The following SNAP91 variants were observed in gnomAD, a reference collection of about 807,000 sequenced individuals.
SNAP91 encodes the protein synaptosome associated protein 91.
Under a neutral mutation model 100.3 loss-of-function variants are expected in SNAP91, and 27 were observed. The observed-to-expected ratio is 0.27, with a 90% confidence interval of 0.20 to 0.37. SNAP91 has a LOEUF of 0.37. SNAP91 is among the 10% of genes least tolerant of loss of function. SNAP91 has a pLI of 1.00. For missense variants in SNAP91, 986 were observed against 1,123.7 expected, an observed-to-expected ratio of 0.88 and a Z score of 1.75; for synonymous variants, 404 against 398.6, an observed-to-expected ratio of 1.01 and a Z score of -0.16.
In SNAP91 at chr6:83,560,742, T is replaced by C. The variant is rs1188814660; in HGVS notation, c.2526+122A>G. On this transcript the variant is annotated intron_variant, in intron 27 of 29. Transcript: ENST00000369694. ...CTAAGGTTTAAAGCAGATGACAACT[T>C]TTTAAGTTTTACTTACTGTGTTTTG... 4 of 820,518 alleles carry C rather than the reference T, an allele frequency of 4.9e-6. No individual in the cohort carries two copies. The African/African-American group carries it at 5.1e-5, about 11-fold the overall frequency. 50.8% of individuals were successfully genotyped at this position (820,518 alleles called of 1,614,324 possible).
chr6:83,586,396 A>G (rs549426581), intron 22 of SNAP91, among the ~76,000 whole-genome samples: 3 of 152,322 alleles, frequency 2.0e-5, no homozygotes, highest in South Asian at 4.1e-4. Context: ...TGTCTTTGCA[A>G]TTAAAGATAG....
intron 22 of SNAP91, among the ~76,000 whole-genome samples, chr6:83,588,936 C>A (rs2093309468): frequency 6.6e-6 from 1 of 152,102 alleles, no homozygotes; most frequent in Non-Finnish European, 1.5e-5. Context: ...TTCAAATTCC[C>A]ATTTGAGATC....
intron 2 of SNAP91, among the ~76,000 whole-genome samples, chr6:83,696,528 A>G (rs1181154207): frequency 6.6e-6 from 1 of 152,162 alleles, no homozygotes; most frequent in Admixed American, 6.5e-5. Flanking sequence ...ATTTCTTAAC[A>G]TTCTCTGTCT....
intron 24 of SNAP91, among the ~76,000 whole-genome samples, chr6:83,578,409 T>G (rs971056729): frequency 2.6e-5 from 4 of 152,160 alleles, no homozygotes; most frequent in African/African-American, 9.7e-5. Context: ...CTCCATCCTA[T>G]TGGGTATAAA....
intron 2 of SNAP91, among the ~76,000 whole-genome samples, chr6:83,675,221 T>C (rs1386838878): frequency 2.0e-5 from 3 of 152,234 alleles, no homozygotes; most frequent in African/African-American, 2.4e-5. Flanking sequence ...CCTAATACAA[T>C]AAATTTTATT....
chr6:83,584,793 A>T (rs1011391086), intron 22 of SNAP91, among the ~76,000 whole-genome samples: 1 of 152,128 alleles, frequency 6.6e-6, no homozygotes, highest in Non-Finnish European at 1.5e-5. Context: ...GGTCATATGA[A>T]AGCAAATGGC....
intron 7 of SNAP91, among the ~76,000 whole-genome samples, chr6:83,654,272 G>A (rs78346066): frequency 0.014 from 2,097 of 152,204 alleles, 23 homozygotes; most frequent in Non-Finnish European, 0.02. Context: ...CCTTGTATTT[G>A]TCTGTCTCTC....
At chr6:83,701,212 T>C (rs569749715) in intron 2 of SNAP91, among the ~76,000 whole-genome samples, 9 of 152,050 alleles carry the variant, frequency 5.9e-5, no homozygotes, top group Non-Finnish European at 1.3e-4. Flanking sequence ...ATGTGTGTGG[T>C]TTGTTTGTTT....
intron 24 of SNAP91, among the ~76,000 whole-genome samples, chr6:83,577,678 C>T (rs900119434): frequency 1.3e-5 from 2 of 152,286 alleles, no homozygotes; most frequent in Non-Finnish European, 2.9e-5. Context: ...GACTGCAATG[C>T]AGTCTCAATA....
At chr6:83,638,527 G>C (rs2128526227) in intron 8 of SNAP91, among the ~76,000 whole-genome samples, 1 of 152,232 alleles carries the variant, frequency 6.6e-6, no homozygotes, top group African/African-American at 2.4e-5. Flanking sequence ...CACTTTAGAT[G>C]ATCCATTTAA....
intron 2 of SNAP91, among the ~76,000 whole-genome samples, chr6:83,701,553 T>A (rs2099310612): frequency 6.6e-6 from 1 of 152,006 alleles, no homozygotes; most frequent in Non-Finnish European, 1.5e-5. Flanking sequence ...TTCAAGCAAT[T>A]CTCCTGCCTC....
intron 9 of SNAP91, among the ~76,000 whole-genome samples, chr6:83,622,719 AAATGATTGAT>A (rs2096779056): frequency 6.6e-6 from 1 of 151,072 alleles, no homozygotes; most frequent in South Asian, 2.1e-4. Flanking sequence ...TTCACAGATA[AAATGATTGAT>A]ACAGAAGCCC....
chr6:83,671,784 T>C (rs1199785871), intron 2 of SNAP91, among the ~76,000 whole-genome samples: 2 of 152,066 alleles, frequency 1.3e-5, no homozygotes, highest in African/African-American at 4.8e-5. Flanking sequence ...GTTCTCAAAT[T>C]TGTGGTCACC....
At chr6:83,659,114 AGG>A in intron 5 of SNAP91, 22 bp from the exon 6 acceptor site, 2 of 1,322,956 alleles carry the variant, frequency 1.5e-6, no homozygotes, top group Non-Finnish European at 2.1e-6. Context: ...AAAAAAAAAA[AGG>A]TACAATTTCA....
intron 16 of SNAP91, 105 bp downstream of exon 16, chr6:83,601,166 A>C (rs2095166275): frequency 1.1e-6 from 1 of 914,938 alleles, no homozygotes; most frequent in Non-Finnish European, 1.7e-6. Flanking sequence ...AAGTACTTAA[A>C]CACTCTGACA....
At chr6:83,611,888 T>A (rs1255024583) in intron 11 of SNAP91, among the ~76,000 whole-genome samples, 2 of 119,668 alleles carry the variant, frequency 1.7e-5, no homozygotes, top group Admixed American at 9.1e-5. Context: ...TTTTTTTTTT[T>A]TTTTTTGGAT....
At chr6:83,616,296 C>G (rs1326209046) in intron 10 of SNAP91, among the ~76,000 whole-genome samples, 1 of 151,722 alleles carries the variant, frequency 6.6e-6, no homozygotes, top group Non-Finnish European at 1.5e-5. Flanking sequence ...AACACCAGGC[C>G]TTGTGAATAG....
At chr6:83,667,923 T>C (rs969012227) in intron 2 of SNAP91, among the ~76,000 whole-genome samples, 3 of 152,064 alleles carry the variant, frequency 2.0e-5, no homozygotes, top group Admixed American at 2.0e-4. Context: ...ATTTTTGCAA[T>C]CTACTCATCT....
chr6:83,682,795 C>T (rs2099009518), intron 2 of SNAP91, among the ~76,000 whole-genome samples: 1 of 146,390 alleles, frequency 6.8e-6, no homozygotes, highest in South Asian at 2.2e-4. Context: ...CATGTGTTCT[C>T]ATTGTTCAAT....
Sources: allele counts gnomAD v4.1 joint callset (sites outside exome capture counted in the v4.1 genomes callset), GRCh38; gene constraint gnomAD v4.1.1; transcripts MANE v1.5; gene names NCBI Gene and HGNC (gene_info 2026-07-23, HGNC 2026-07-21).